Variants in MEI1 observed in about 807,000 individuals in gnomAD.
MEI1 encodes the protein meiosis inhibitor protein 1.
Under a neutral mutation model 146.2 loss-of-function variants are expected in MEI1, and 103 were observed. The ratio of observed to expected loss-of-function variants is 0.70; its 90% confidence interval spans 0.60 to 0.83. The LOEUF (loss-of-function observed/expected upper bound fraction) is 0.83. MEI1 is among the 40% of genes least tolerant of loss of function. MEI1 has a pLI of 0.00. For missense variants in MEI1, 1,529 were observed against 1,533.0 expected, an observed-to-expected ratio of 1.00 and a Z score of 0.04; for synonymous variants, 652 against 628.2, an observed-to-expected ratio of 1.04 and a Z score of -0.57.
chr22:41,730,589 C>G lies in MEI1; in HGVS notation c.1048C>G (p.Leu350Val). 2 of 1,613,864 alleles carry G rather than the reference C, an allele frequency of 1.2e-6. No individual in the cohort carries two copies. The highest frequency in any genetic ancestry group is 1.7e-6 in the Non-Finnish European group (2 of 1,179,792). Residue 350 changes from leucine to valine, a missense_variant, in exon 9 of 31, where the codon CTC becomes GTC. Physicochemically the swap from Leu to Val is conservative, Grantham distance 32 (BLOSUM62 1). Transcript: ENST00000401548. Reference sequence around the variant, plus strand: ...CTGGTCCAGCTGTAACTGCTTGACACTCCTGGTAGAAGAGCCACTCTTTTT... The same window carrying G: ...CTGGTCCAGCTGTAACTGCTTGACAGTCCTGGTAGAAGAGCCACTCTTTTT... ...LVWSSCNCLT[L>V]LVEEPLFFSK...
intron 3 of MEI1, among the ~76,000 whole-genome samples, chr22:41,713,416 A>G (rs2069787486): frequency 6.6e-6 from 1 of 151,956 alleles, no homozygotes; most frequent in Non-Finnish European, 1.5e-5. Context: ...GCAGTGAGCT[A>G]TGATCACACC....
chr22:41,795,957 G>T lies in MEI1; in HGVS notation c.3779+110G>T. 3 of 1,611,996 alleles carry T rather than the reference G, an allele frequency of 1.9e-6. No homozygotes were observed. The highest frequency in any genetic ancestry group is 2.5e-6 in the Non-Finnish European group (3 of 1,179,670). ...CCGGAGTAGCAGTGTCCTCTCTCAT[G>T]AAGAGGTGGGTGATGTTCTGCAAGG... On this transcript the variant is annotated intron_variant, in intron 30 of 30. Coordinates refer to ENST00000401548, the MANE Select transcript of MEI1 (RefSeq NM_152513.4). This position sits in a 1 kb window ranked among gnomAD's most constrained non-coding sequence, Gnocchi z 4.2.
chr22:41,785,863 C>T (rs2075954436), intron 26 of MEI1, among the ~76,000 whole-genome samples: 2 of 149,342 alleles, frequency 1.3e-5, no homozygotes, highest in South Asian at 4.3e-4. Context: ...CACACCCGGC[C>T]TATTTTTATT....
At chr22:41,716,226 T>C in intron 5 of MEI1, 80 bp downstream of exon 5, 1 of 951,382 alleles carries the variant, frequency 1.1e-6, no homozygotes, top group Non-Finnish European at 1.6e-6. Context: ...CCATTCACTC[T>C]GTACACCTGG....
intron 6 of MEI1, among the ~76,000 whole-genome samples, chr22:41,721,237 C>CTGTTTTTTTT (rs2070763033): frequency 1.4e-5 from 1 of 70,484 alleles, no homozygotes; most frequent in African/African-American, 6.9e-5. Context: ...CACGCCCGTT[C>CTGTTTTTTTT]TTTTTTTTTT....
At chr22:41,737,910 T>TA (rs112401658) in intron 11 of MEI1, among the ~76,000 whole-genome samples, 16,866 of 151,878 alleles carry the variant, frequency 0.11, 2,797 homozygotes, top group African/African-American at 0.36. Context: ...CTTGAAATCT[T>TA]AAAAAATAAT....
chr22:41,704,344 T>A (rs1163149818), intron 2 of MEI1, among the ~76,000 whole-genome samples: 1 of 151,852 alleles, frequency 6.6e-6, no homozygotes, highest in African/African-American at 2.4e-5. Context: ...TAGAATTTTA[T>A]CCCAGGTCTG....
At chr22:41,754,432 CTTTTTG>C (rs1156923285) in intron 17 of MEI1, among the ~76,000 whole-genome samples, 4 of 130,520 alleles carry the variant, frequency 3.1e-5, no homozygotes, top group African/African-American at 4.3e-5. Flanking sequence ...TTTTCTTTTT[CTTTTTG>C]TTTTTCTTTT....
Position 41,795,083 on chromosome 22 carries a change from C to T in MEI1, c.3535-328C>T, listed in dbSNP as rs1405241062. 1.3e-5 allele frequency among the ~76,000 whole-genome samples: 2 copies of T among 152,180 alleles called. No individual in the cohort carries two copies. The highest frequency in any genetic ancestry group is 2.4e-5 in the African/African-American group (1 of 41,434). ...GGTATTCCAGGTAGTGAAGTACAAACAACAGGTACAAGAGCACATGGTGGT... is the reference window on the plus strand; with the variant it reads ...GGTATTCCAGGTAGTGAAGTACAAATAACAGGTACAAGAGCACATGGTGGT... On this transcript the variant is annotated intron_variant, in intron 28 of 30. Coordinates refer to ENST00000401548, the MANE Select transcript of MEI1 (RefSeq NM_152513.4). The surrounding 1 kb of genome is among the most constrained non-coding windows in gnomAD (Gnocchi z 4.2).
At chr22:41,793,396 G>T (rs530766863) in intron 26 of MEI1, among the ~76,000 whole-genome samples, 1 of 152,132 alleles carries the variant, frequency 6.6e-6, no homozygotes, top group African/African-American at 2.4e-5. Context: ...CCGCCTCCCG[G>T]GTTCAATCGA....
At chr22:41,765,883 C>CTTT (rs1013045266) in intron 19 of MEI1, among the ~76,000 whole-genome samples, 45 of 86,074 alleles carry the variant, frequency 5.2e-4, no homozygotes, top group Non-Finnish European at 6.5e-4. Flanking sequence ...CCAAAATGTT[C>CTTT]TTTTTTTTTT....
At position 41,716,077 on chromosome 22, in the gene MEI1, A is replaced by G. The variant is rs1181721006; in HGVS notation, c.460A>G (p.Thr154Ala). 3.1e-6 allele frequency: 5 copies of G among 1,611,902 alleles called. No homozygotes were observed. The East Asian group carries it at 6.7e-5, about 22-fold the overall frequency. The change falls in exon 5 of 31, where the codon ACC becomes GCC. Residue 154 changes from threonine to alanine, a missense_variant. By Grantham distance (58) the Thr-to-Ala change is moderately conservative. Coordinates refer to ENST00000401548, the MANE Select transcript of MEI1 (RefSeq NM_152513.4). ...GCCCTCCATGCGAGGCAGCCTGGCCACCCTGACCCTTCTTGGCAAGTTGGT... is the reference window on the plus strand; with the variant it reads ...GCCCTCCATGCGAGGCAGCCTGGCCGCCCTGACCCTTCTTGGCAAGTTGGT... ...NMPSMRGSLA[T>A]LTLLGKLVDA...
intron 26 of MEI1, among the ~76,000 whole-genome samples, chr22:41,792,470 G>C (rs2069186106): frequency 6.6e-6 from 1 of 152,168 alleles, no homozygotes; most frequent in Admixed American, 6.5e-5. Context: ...GCTGACATGA[G>C]AACAGCCTCT....
At chr22:41,777,027 G>A (rs2075476365) in intron 21 of MEI1, among the ~76,000 whole-genome samples, 1 of 151,936 alleles carries the variant, frequency 6.6e-6, no homozygotes, top group Non-Finnish European at 1.5e-5. Context: ...ATGTTGCCCA[G>A]GGTGGTCTCA....
At chr22:41,710,405 G>T (rs2069445770) in intron 3 of MEI1, among the ~76,000 whole-genome samples, 1 of 152,114 alleles carries the variant, frequency 6.6e-6, no homozygotes, top group Non-Finnish European at 1.5e-5. Flanking sequence ...AGTGTAATAG[G>T]GAAATGACTC....
intron 17 of MEI1, among the ~76,000 whole-genome samples, chr22:41,756,091 A>G (rs982419456): frequency 2.0e-5 from 3 of 152,178 alleles, no homozygotes; most frequent in Admixed American, 2.0e-4. Flanking sequence ...TCTCTGGTCC[A>G]TGGTGAAATG....
At chr22:41,786,402 T>C (rs995982613) in intron 26 of MEI1, among the ~76,000 whole-genome samples, 6 of 152,210 alleles carry the variant, frequency 3.9e-5, no homozygotes, top group African/African-American at 1.4e-4. Context: ...GGCTTATAAC[T>C]GAGAAGTCCT....
chr22:41,782,104 A>G (rs2148158691), intron 24 of MEI1, among the ~76,000 whole-genome samples: 1 of 152,360 alleles, frequency 6.6e-6, no homozygotes, highest in African/African-American at 2.4e-5. Flanking sequence ...AGAGGAATAA[A>G]AAATGAATAT....
At chr22:41,738,195 C>G (rs2072546896) in intron 11 of MEI1, among the ~76,000 whole-genome samples, 1 of 152,128 alleles carries the variant, frequency 6.6e-6, no homozygotes, top group African/African-American at 2.4e-5. Context: ...TGGCTCATGC[C>G]TGTAATCCCA....
Sources: gnomAD v4.1 joint callset for allele counts (sites outside exome capture counted in the v4.1 genomes callset) on GRCh38, gnomAD v4.1.1 for gene constraint, Gnocchi (gnomAD v3.1) non-coding constraint, MANE v1.5 for transcripts, NCBI Gene and HGNC (gene_info 2026-07-23, HGNC 2026-07-21) for gene names.